ENTPD1: variants seen among roughly 807,000 people sequenced by gnomAD.
ENTPD1 encodes ATP diphosphohydrolase.
ENTPD1 carries 33 observed loss-of-function variants against 57.0 expected under a neutral mutation model. The ratio of observed to expected loss-of-function variants is 0.58; its 90% CI spans 0.44 to 0.77. The LOEUF is 0.77. ENTPD1 is among the 30% of genes least tolerant of loss of function. The pLI is 0.00. For synonymous variants in ENTPD1, 202 were observed against 218.8 expected, an observed-to-expected ratio of 0.92 and a Z score of 0.68; for missense variants, 501 against 603.4, an observed-to-expected ratio of 0.83 and a Z score of 1.78.
Position 95,741,510 on chromosome 10 carries a change from A to C in ENTPD1, c.37+29517A>C, listed in dbSNP as rs143330779. Among the ~76,000 whole-genome samples the C allele has an allele frequency of 9.2e-5, 14 of 152,372 alleles. No homozygotes were observed. The East Asian group carries it at 2.7e-3, about 29-fold the overall frequency. ...TGTGATACAGAGACATGAAGTGAGC[A>C]CATGGTACTGCAATAATGGCACTGA... On this transcript the variant is annotated intron_variant, in intron 1 of 9. Coordinates refer to the ENTPD1 transcript ENST00000453258.
At chr10:95,821,864 G>A (rs779475657) in intron 1 of ENTPD1, among the ~76,000 whole-genome samples, 5 of 152,132 alleles carry the variant, frequency 3.3e-5, no homozygotes, top group Non-Finnish European at 5.9e-5. Flanking sequence ...CAGCTTCTAC[G>A]TTTGGGAATA....
chr10:95,769,829 CAA>C (rs939813440), intron 1 of ENTPD1, among the ~76,000 whole-genome samples: 4 of 152,092 alleles, frequency 2.6e-5, no homozygotes, highest in African/African-American at 9.7e-5. Flanking sequence ...AGATGGGAAA[CAA>C]GAGAGGAGGA....
Position 95,876,723 on chromosome 10 carries a change from T to C in ENTPD1, c.*10340T>C. On this transcript the variant is annotated 3_prime_UTR_variant, in exon 10 of 10. Transcript: ENST00000371205. ...TGGAATATTCAAATATTAACCAAAGTAGAAAAATATAATACACATCCATGT... is the reference window on the plus strand; with the variant it reads ...TGGAATATTCAAATATTAACCAAAGCAGAAAAATATAATACACATCCATGT... 3 of 1,048,144 alleles carry C rather than the reference T, an allele frequency of 2.9e-6. No individual in the cohort carries two copies. The East Asian group carries it at 1.1e-4, about 38-fold the overall frequency. The allele number at this position is 1,048,144 out of a possible 1,614,324, so 64.9% of individuals were successfully genotyped here.
At chr10:95,811,358 G>A (rs1055882583) in intron 1 of ENTPD1, among the ~76,000 whole-genome samples, 4 of 152,070 alleles carry the variant, frequency 2.6e-5, no homozygotes, top group African/African-American at 4.8e-5. Flanking sequence ...AACCACCAGC[G>A]CACAACTTCC....
At position 95,872,063 on chromosome 10, in the gene ENTPD1, T is replaced by G. The variant is rs2098481095; in HGVS notation, c.*5680T>G. 1.0e-6 allele frequency: 1 copy of G among 985,346 alleles called. No individual in the cohort carries two copies. The allele number at this position is 985,346 out of a possible 1,614,324, so 61.0% of individuals were successfully genotyped here. A position where few individuals can be genotyped will look rare whatever the true frequency, so the allele number is the denominator to read the frequency against. On this transcript the variant is annotated 3_prime_UTR_variant, in exon 10 of 10. Coordinates refer to ENST00000371205, the MANE Select transcript of ENTPD1 (RefSeq NM_001776.6). ...CAGCTCCATCACTGGGACCTCCCCA[T>G]TCTGCCTGTGCAATATTTTTCTTTT...
In ENTPD1 at chr10:95,867,591, G is replaced by A. The variant is rs1400062097; in HGVS notation, c.*1208G>A. The A allele has an allele frequency of 1.3e-5, 13 of 985,404 alleles. No individual in the cohort carries two copies. Among genetic ancestry groups the A allele is most frequent in the Middle Eastern group, 5.2e-4 (1 of 1,914 alleles). 61.0% of individuals were successfully genotyped at this position (985,404 alleles called of 1,614,324 possible). On this transcript the variant is annotated 3_prime_UTR_variant, in exon 10 of 10. Coordinates refer to ENST00000371205, the MANE Select transcript of ENTPD1 (RefSeq NM_001776.6). ...TCCAAGTCTGAAAGTGTTGCCACCC[G>A]TCACACAACATGGGCTTTGTTTGCT...
chr10:95,822,637 T>C (rs1474599019), intron 1 of ENTPD1, among the ~76,000 whole-genome samples: 2 of 152,224 alleles, frequency 1.3e-5, no homozygotes, highest in South Asian at 2.1e-4. Flanking sequence ...GCTTTTCTAA[T>C]GTCCCATGAC....
At chr10:95,751,710 G>A (rs7084741), upstream of ENTPD1, among the ~76,000 whole-genome samples, 8,119 of 121,106 alleles carry the variant, frequency 0.067, 441 homozygotes, top group East Asian at 0.16. Flanking sequence ...GTGAGACATC[G>A]TCTCAAAAAA....
At chr10:95,696,821 A>T in the ENTPD1 span, among the ~76,000 whole-genome samples, 1 of 152,208 alleles carries the variant, frequency 6.6e-6, no homozygotes, top group Admixed American at 6.5e-5. Context: ...TGTGTTTGGG[A>T]TTAAAAGAGT....
At chr10:95,746,702 C>T in intron 1 of ENTPD1, among the ~76,000 whole-genome samples, 1 of 152,192 alleles carries the variant, frequency 6.6e-6, no homozygotes, top group South Asian at 2.1e-4. Context: ...TCAGATCCAT[C>T]CCTTTTTCTC....
intron 2 of ENTPD1, among the ~76,000 whole-genome samples, chr10:95,829,950 G>T (rs148011899): frequency 6.6e-6 from 1 of 152,108 alleles, no homozygotes; most frequent in Non-Finnish European, 1.5e-5. Flanking sequence ...TTAAAAGCTA[G>T]TTTGGCTCTC....
chr10:95,864,599 G>C, intron 8 of ENTPD1, 125 bp from the exon 9 acceptor site: 1 of 1,343,640 alleles, frequency 7.4e-7, no homozygotes. Flanking sequence ...CTCTGGAAGA[G>C]GCCAACCTTC....
intron 7 of ENTPD1, among the ~76,000 whole-genome samples, chr10:95,851,744 G>A (rs1590156842): frequency 6.6e-6 from 1 of 152,034 alleles, no homozygotes; most frequent in Non-Finnish European, 1.5e-5. Context: ...CCATGTCCCT[G>A]CAAAGGACAT....
intron 9 of ENTPD1, among the ~76,000 whole-genome samples, chr10:95,865,731 GGACT>G (rs1290226175): frequency 6.6e-6 from 1 of 152,036 alleles, no homozygotes; most frequent in Non-Finnish European, 1.5e-5. Flanking sequence ...GTCAAATTTA[GGACT>G]GACACACGAG....
chr10:95,857,038 C>G (rs1319084131), intron 7 of ENTPD1, among the ~76,000 whole-genome samples: 1 of 151,456 alleles, frequency 6.6e-6, no homozygotes, highest in Non-Finnish European at 1.5e-5. Flanking sequence ...ATTTTAAAGA[C>G]ATTTCTATTT....
chr10:95,755,202 G>T (rs76759757), upstream of ENTPD1: 633 of 153,620 alleles, frequency 4.1e-3, 7 homozygotes, highest in East Asian at 0.013. Flanking sequence ...AAATAAGAGA[G>T]ACCATGTATG....
rs760055409 is a variant in ENTPD1, at chr10:95,871,758, G to A, written c.*5375G>A. 5.2e-5 allele frequency: 51 copies of A among 985,298 alleles called. No homozygotes were observed. The highest frequency in any genetic ancestry group is 6.1e-5 in the Admixed American group (1 of 16,262). The allele number at this position is 985,298 out of a possible 1,614,324, so 61.0% of individuals were successfully genotyped here. A position where few individuals can be genotyped will look rare whatever the true frequency, so the allele number is the denominator to read the frequency against. On this transcript the variant is annotated 3_prime_UTR_variant, in exon 10 of 10. Transcript: ENST00000371205. ...GATGATCACCCTCATCAGCACTAGA[G>A]TTGACTTGTTTTTATAACCCCTTTG...
chr10:95,814,113 T>C (rs916457524), intron 1 of ENTPD1, among the ~76,000 whole-genome samples: 6 of 152,218 alleles, frequency 3.9e-5, no homozygotes, highest in African/African-American at 1.2e-4. Context: ...TGTTACGCCT[T>C]TTGGCTGGGA....
At chr10:95,724,113 G>C (rs991908411) in intron 1 of ENTPD1, among the ~76,000 whole-genome samples, 6 of 125,278 alleles carry the variant, frequency 4.8e-5, no homozygotes, top group Non-Finnish European at 9.4e-5. Flanking sequence ...AGTGAGCCAA[G>C]ATTGCACCAC....
Sources: allele counts gnomAD v4.1 joint callset (sites outside exome capture counted in the v4.1 genomes callset), GRCh38; gene constraint gnomAD v4.1.1; transcripts MANE v1.5; gene names NCBI Gene and HGNC (gene_info 2026-07-23, HGNC 2026-07-21).